LATS2: variants seen among roughly 807,000 people sequenced by gnomAD.
The protein encoded by LATS2 is serine/threonine-protein kinase LATS2.
LATS2 carries 24 observed loss-of-function variants against 76.0 expected under a neutral mutation model. The observed-to-expected ratio is 0.32, with a 90% confidence interval of 0.23 to 0.44. The LOEUF is 0.44. LATS2 is among the 20% of genes least tolerant of loss of function. The probability of loss-of-function intolerance (pLI) is 1.00; values close to 1 mark genes in which losing one functional copy is unlikely to be tolerated. For missense variants in LATS2, 1,286 were observed against 1,481.2 expected, an observed-to-expected ratio of 0.87 and a Z score of 2.16; for synonymous variants, 692 against 635.4, an observed-to-expected ratio of 1.09 and a Z score of -1.34.
At chr13:21,016,152 G>A (rs1375936854) in intron 2 of LATS2, among the ~76,000 whole-genome samples, 2 of 149,634 alleles carry the variant, frequency 1.3e-5, no homozygotes, top group Non-Finnish European at 1.5e-5. Flanking sequence ...ATCATGCCCA[G>A]CTAATTTTTA....
At position 20,978,540 on chromosome 13, in the gene LATS2, A is replaced by C. The variant is rs143951018; in HGVS notation, c.2772+1151T>G. Reference sequence around the variant, plus strand: ...GCTGACAGTTTGCGAACAATGATATAATATCCAAATAAAGAAACTGCTTTC... The same window carrying C: ...GCTGACAGTTTGCGAACAATGATATCATATCCAAATAAAGAAACTGCTTTC... On this transcript the variant is annotated intron_variant, in intron 7 of 7. Transcript: ENST00000382592. Among the ~76,000 whole-genome samples the C allele has an allele frequency of 4.2e-4, 64 of 152,290 alleles. 1 individual carries two copies. The highest frequency in any genetic ancestry group is 1.3e-3 in the African/African-American group (56 of 41,560).
At position 20,987,965 on chromosome 13, in the gene LATS2, G is replaced by T; in HGVS notation, c.1815C>A (p.Phe605Leu). 1 of 1,614,236 alleles carries T rather than the reference G, an allele frequency of 6.2e-7. No individual in the cohort carries two copies. Among genetic ancestry groups the T allele is most frequent in the African/African-American group, 1.3e-5 (1 of 75,066 alleles). Reference sequence around the variant, plus strand: ...TGACATTCTCCACGTGCTGCTCCATGAAGAACTTAAAGGCGTATGGCGAGT... The same window carrying T: ...TGACATTCTCCACGTGCTGCTCCATTAAGAACTTAAAGGCGTATGGCGAGT... ...KSYSPYAFKF[F>L]MEQHVENVIK... The change falls in exon 4 of 8, where the codon TTC (phenylalanine) becomes TTA (leucine). Residue 605 changes from phenylalanine to leucine, a missense_variant. Coordinates refer to ENST00000382592, the MANE Select transcript of LATS2 (RefSeq NM_014572.3).
At chr13:21,023,538 G>A (rs966479896) in intron 2 of LATS2, among the ~76,000 whole-genome samples, 1 of 150,628 alleles carries the variant, frequency 6.6e-6, no homozygotes, top group African/African-American at 2.5e-5. Flanking sequence ...CGCTGCCGGA[G>A]AGCCCAGACA....
At chr13:20,998,762 C>A (rs1565949128) in intron 2 of LATS2, among the ~76,000 whole-genome samples, 1 of 152,194 alleles carries the variant, frequency 6.6e-6, no homozygotes, top group African/African-American at 2.4e-5. Context: ...GGGGCGGGGC[C>A]CGACAACCTT....
chr13:20,998,962 G>A (rs1301743699), intron 2 of LATS2, among the ~76,000 whole-genome samples: 2 of 151,428 alleles, frequency 1.3e-5, no homozygotes, highest in Non-Finnish European at 1.5e-5. Flanking sequence ...GGGCCCTGGT[G>A]ACCTTTTCCA....
chr13:20,989,313 GA>G lies in LATS2; in HGVS notation c.476-10del, dbSNP rs549258974. Reference sequence around the variant, plus strand: ...TGGCATGAGCCCCTTTCCTGCAGTGGAAAAAACAGGAAGACAGCATCAGAGT... The same window carrying G: ...TGGCATGAGCCCCTTTCCTGCAGTGGAAAAACAGGAAGACAGCATCAGAGT... On this transcript the variant is annotated splice_polypyrimidine_tract_variant and intron_variant, in intron 3 of 7. Coordinates refer to ENST00000382592, the MANE Select transcript of LATS2 (RefSeq NM_014572.3). 2 of 1,613,232 alleles carry G rather than the reference GA, an allele frequency of 1.2e-6. No individual in the cohort carries two copies. Among genetic ancestry groups the G allele is most frequent in the South Asian group, 1.1e-5 (1 of 91,090 alleles).
At chr13:21,018,013 C>CA (rs1269693263) in intron 2 of LATS2, 2 of 152,086 alleles carry the variant, frequency 1.3e-5, no homozygotes, top group Admixed American at 6.6e-5. Flanking sequence ...TTAAAGCTAC[C>CA]ATATGGAAGT....
rs1227401194 is a variant in LATS2, at chr13:20,991,175, TGGCCA to T, written c.475+92_475+96del. 8.9e-6 allele frequency: 13 copies of T among 1,455,808 alleles called. No homozygotes were observed. Among genetic ancestry groups the T allele is most frequent in the Non-Finnish European group, 1.2e-5 (13 of 1,057,846 alleles). 90.2% of individuals were successfully genotyped at this position (1,455,808 alleles called of 1,614,324 possible). On this transcript the variant is annotated intron_variant, in intron 3 of 7. Coordinates refer to ENST00000382592, the MANE Select transcript of LATS2 (RefSeq NM_014572.3). This position sits in a 1 kb window ranked among gnomAD's most constrained non-coding sequence, Gnocchi z 4.9. ...AGGCAATGTGCCAGGAGACTGGCTC[TGGCCA>T]GGCCAGGCCAGGTTGGACCCCTCTG...
At chr13:21,017,721 G>A (rs1409536113) in intron 2 of LATS2, among the ~76,000 whole-genome samples, 4 of 151,866 alleles carry the variant, frequency 2.6e-5, no homozygotes, top group African/African-American at 9.7e-5. Context: ...CGTCTCCGGG[G>A]TTCAAGTGAT....
chr13:21,007,760 A>AT (rs1202476922), intron 2 of LATS2, among the ~76,000 whole-genome samples: 1,087 of 4,542 alleles, frequency 0.24, 246 homozygotes, highest in Non-Finnish European at 0.28. Flanking sequence ...ATATATATAT[A>AT]TTTTTTTTTT....
chr13:21,027,933 T>A (rs974769826), intron 2 of LATS2, among the ~76,000 whole-genome samples: 3 of 152,048 alleles, frequency 2.0e-5, no homozygotes, highest in Admixed American at 1.3e-4. Flanking sequence ...TTTTTTATTT[T>A]TTATTATTAT....
At chr13:21,016,282 C>T (rs1362502366) in intron 2 of LATS2, among the ~76,000 whole-genome samples, 2 of 151,536 alleles carry the variant, frequency 1.3e-5, no homozygotes, top group East Asian at 3.9e-4. Context: ...ACAGCGTACC[C>T]GGCCTATTTT....
At chr13:21,029,822 C>A (rs1022979335) in intron 2 of LATS2, among the ~76,000 whole-genome samples, 1 of 151,310 alleles carries the variant, frequency 6.6e-6, no homozygotes, top group African/African-American at 2.4e-5. Flanking sequence ...TGGGGATGGG[C>A]GTAGTGGCTC....
At chr13:21,046,980 G>GTGCA (rs1274258339) in intron 1 of LATS2, among the ~76,000 whole-genome samples, 1 of 152,126 alleles carries the variant, frequency 6.6e-6, no homozygotes. Context: ...ACTTCTCAGA[G>GTGCA]TGCACCATGG....
intron 2 of LATS2, among the ~76,000 whole-genome samples, chr13:21,009,379 GA>G (rs1871483831): frequency 6.6e-6 from 1 of 152,154 alleles, no homozygotes; most frequent in Non-Finnish European, 1.5e-5. Context: ...AAGCTTTGCA[GA>G]AACTATTCCT....
chr13:21,045,857 G>T lies in LATS2; in HGVS notation c.170C>A (p.Ala57Asp). Residue 57 changes from alanine (A) to aspartate (D), a missense_variant, in exon 2 of 8, where the codon GCC (alanine) becomes GAC (aspartate). Ala to Asp is a moderately radical substitution (Grantham distance 126). Around this residue, in one of 5 missense-constraint regions of LATS2, gnomAD observed 101 missense variants for 141.4 expected, o/e 0.71. Coordinates refer to ENST00000382592, the MANE Select transcript of LATS2 (RefSeq NM_014572.3). ...TCTCATCTGCTGCTGCTGCCTGGTG[G>T]CATCTTTGCTCCCCAGGACTTTGGC... is the stretch of plus-strand genomic sequence containing the variant. ...LDAKVLGSKD[A>D]TRQQQQMRAT... 6.2e-7 allele frequency: 1 copy of T among 1,614,188 alleles called. No individual in the cohort carries two copies. The highest frequency in any genetic ancestry group is 8.5e-7 in the Non-Finnish European group (1 of 1,180,042).
rs1489850533 is a variant in LATS2, at chr13:20,985,560, G to GAA, written c.1900-1756_1900-1755dup. Among the ~76,000 whole-genome samples the GAA allele has an allele frequency of 1.1e-4, 16 of 151,968 alleles. No homozygotes were observed. In the South Asian group the frequency reaches 2.9e-3, roughly 28 times the overall value. ...TTGAGACCAGCCTGACTAACATGGT[G>GAA]AAACCCCGTCTCTACTAAACATACA... is the stretch of plus-strand genomic sequence containing the variant. On this transcript the variant is annotated intron_variant, in intron 4 of 7. Transcript: ENST00000382592.
At position 21,026,893 on chromosome 13, in the gene LATS2, T is replaced by TCAGA. The variant is rs527694109; in HGVS notation, c.342+18788_342+18791dup. Among the ~76,000 whole-genome samples, 210 of 152,370 alleles carry TCAGA rather than the reference T, an allele frequency of 1.4e-3. 1 individual carries two copies. Among genetic ancestry groups the TCAGA allele is most frequent in the African/African-American group, 4.5e-3 (189 of 41,592 alleles). On this transcript the variant is annotated intron_variant, in intron 2 of 7. Coordinates refer to ENST00000382592, the MANE Select transcript of LATS2 (RefSeq NM_014572.3). ...ACATTCTCACCACTACTTAGTATTA[T>TCAGA]CAGACCTTTATACTTTAGCCTTTCT...
chr13:21,011,561 G>A lies in LATS2; in HGVS notation c.343-20157C>T, dbSNP rs568827832. On this transcript the variant is annotated intron_variant, in intron 2 of 7. Coordinates refer to ENST00000382592, the MANE Select transcript of LATS2 (RefSeq NM_014572.3). ...CATGGCTGAGTGACACCATGTGATG[G>A]ATGACTGAACAGTGTTCTCATCACA... Among the ~76,000 whole-genome samples the A allele has an allele frequency of 8.5e-5, 13 of 152,336 alleles. No homozygotes were observed. In the East Asian group the frequency reaches 1.2e-3, roughly 14 times the overall value.
Sources: gnomAD v4.1 joint callset for allele counts (sites outside exome capture counted in the v4.1 genomes callset) on GRCh38, gnomAD v4.1.1 for gene constraint, gnomAD v4.1.1 regional missense constraint, Gnocchi (gnomAD v3.1) non-coding constraint, MANE v1.5 for transcripts, NCBI Gene and HGNC (gene_info 2026-07-23, HGNC 2026-07-21) for gene names.